FOXK1: variants seen among roughly 807,000 people sequenced by gnomAD.
FOXK1 encodes the protein forkhead box protein K1.
Under a neutral mutation model 51.9 loss-of-function variants are expected in FOXK1, and 19 were observed. That is an observed-to-expected ratio of 0.37 (90% confidence interval 0.26 to 0.54). FOXK1 has a LOEUF of 0.54. FOXK1 is among the 20% of genes least tolerant of loss of function. The pLI, the probability that FOXK1 is intolerant of heterozygous loss-of-function variation, is 0.87. For missense variants in FOXK1, 870 were observed against 1,032.7 expected (o/e 0.84, Z 2.16); for synonymous variants, 537 against 482.6 (o/e 1.11, Z -1.48).
rs1394868277 is a variant in FOXK1, at chr7:4,759,545, C to G, written c.1646C>G (p.Ser549Cys). The change falls in exon 7 of 9, where the codon TCC becomes TGC. Residue 549 changes from serine to cysteine, a missense_variant. This residue lies in a region of FOXK1 where 457 missense variants were observed against 510.8 expected (regional missense o/e 0.89). Coordinates refer to ENST00000328914, the MANE Select transcript of FOXK1 (RefSeq NM_001037165.2). Reference protein sequence around the residue: ...ILTSQGAAGGSHDAAGAAVLD... With the variant: ...ILTSQGAAGGCHDAAGAAVLD... ...ACCAGCCAGGGCGCGGCGGGGGGCT[C>G]CCATGATGCGGCGGGCGCAGCCGTG... 2.6e-6 allele frequency: 4 copies of G among 1,553,938 alleles called. No individual in the cohort carries two copies. Among genetic ancestry groups the G allele is most frequent in the Non-Finnish European group, 3.5e-6 (4 of 1,155,890 alleles).
intron 1 of FOXK1, among the ~76,000 whole-genome samples, chr7:4,713,134 TC>T (rs1240320899): frequency 6.6e-6 from 1 of 152,242 alleles, no homozygotes; most frequent in Non-Finnish European, 1.5e-5. Flanking sequence ...AGAATTCTTT[TC>T]CTGCCCTATT....
In FOXK1 at chr7:4,749,999, C is replaced by T. The variant is rs1315013527; in HGVS notation, c.747-4460C>T. On this transcript the variant is annotated intron_variant, in intron 2 of 8. Transcript: ENST00000328914. The surrounding 1 kb of genome is among the most constrained non-coding windows in gnomAD (Gnocchi z 6.0). ...GCCCGGCCCCTGGATGCGGTGGAGG[C>T]TGCCCGGGGTGGGTCAGCATGGGGT... Among the ~76,000 whole-genome samples, 1 of 152,230 alleles carries T rather than the reference C, an allele frequency of 6.6e-6. No homozygotes were observed. Among genetic ancestry groups the T allele is most frequent in the Non-Finnish European group, 1.5e-5 (1 of 68,040 alleles).
intron 1 of FOXK1, among the ~76,000 whole-genome samples, chr7:4,721,773 T>A (rs1780316204): frequency 2.0e-5 from 3 of 151,962 alleles, no homozygotes; most frequent in Admixed American, 2.0e-4. Context: ...GCATTTTTAG[T>A]ATAGACAGAG....
chr7:4,736,633 C>T (rs920112607), intron 1 of FOXK1, among the ~76,000 whole-genome samples: 14 of 151,968 alleles, frequency 9.2e-5, no homozygotes, highest in African/African-American at 2.9e-4. Flanking sequence ...AGGCTGGTCT[C>T]GAACTCCTGA....
intron 1 of FOXK1, among the ~76,000 whole-genome samples, chr7:4,691,180 T>G (rs1413197499): frequency 2.6e-5 from 4 of 152,192 alleles, no homozygotes; most frequent in Non-Finnish European, 5.9e-5. Flanking sequence ...CCTGACCCAT[T>G]TCTACAGTGT....
rs897416518 is a variant in FOXK1, at chr7:4,747,097, G to A, written c.746+6074G>A. 6.6e-6 allele frequency among the ~76,000 whole-genome samples: 1 copy of A among 152,162 alleles called. No homozygotes were observed. The highest frequency in any genetic ancestry group is 6.5e-5 in the Admixed American group (1 of 15,274). On this transcript the variant is annotated intron_variant, in intron 2 of 8. Coordinates refer to ENST00000328914, the MANE Select transcript of FOXK1 (RefSeq NM_001037165.2). This position sits in a 1 kb window ranked among gnomAD's most constrained non-coding sequence, Gnocchi z 9.2. ...AATGAAGCTTGGTAGGGAAGTCCTT[G>A]TGTTTGTCCGAATCTGTTGAAAGGA... is the stretch of plus-strand genomic sequence containing the variant.
chr7:4,703,212 A>C lies in FOXK1; in HGVS notation c.560+20344A>C, dbSNP rs536905937. Among the ~76,000 whole-genome samples the C allele has an allele frequency of 6.6e-6, 1 of 152,176 alleles. No homozygotes were observed. The highest frequency in any genetic ancestry group is 2.1e-4 in the South Asian group (1 of 4,816). On this transcript the variant is annotated intron_variant, in intron 1 of 8. Coordinates refer to ENST00000328914, the MANE Select transcript of FOXK1 (RefSeq NM_001037165.2). The surrounding 1 kb of genome is among the most constrained non-coding windows in gnomAD (Gnocchi z 5.6). Reference sequence around the variant, plus strand: ...GGAAGTGCTGTTTTAGCCGAGGTCTAAGTTACAGGCAGGAGCTGGCAATGA... The same window carrying C: ...GGAAGTGCTGTTTTAGCCGAGGTCTCAGTTACAGGCAGGAGCTGGCAATGA...
chr7:4,706,004 G>A lies in FOXK1; in HGVS notation c.560+23136G>A, dbSNP rs894932123. ...TATACGTATATATACGTATATATAC[G>A]TATATATACGTATATATACGTGTAT... On this transcript the variant is annotated intron_variant, in intron 1 of 8. Transcript: ENST00000328914. 4.1e-4 allele frequency among the ~76,000 whole-genome samples: 40 copies of A among 97,290 alleles called. 4 individuals carry two copies. The highest frequency in any genetic ancestry group is 2.8e-3 in the African/African-American group (31 of 11,142). The allele number at this position is 97,290 out of a possible 152,430, so 63.8% of individuals were successfully genotyped here.
chr7:4,715,308 G>A lies in FOXK1; in HGVS notation c.561-25530G>A, dbSNP rs1253183922. Reference sequence around the variant, plus strand: ...CGTAAGTCATGGCTTCAGTTTGCTGGCAAAGTGTGTCTCAGAGTGAAGCCG... The same window carrying A: ...CGTAAGTCATGGCTTCAGTTTGCTGACAAAGTGTGTCTCAGAGTGAAGCCG... On this transcript the variant is annotated intron_variant, in intron 1 of 8. Transcript: ENST00000328914. This position sits in a 1 kb window ranked among gnomAD's most constrained non-coding sequence, Gnocchi z 4.5. Among the ~76,000 whole-genome samples the A allele has an allele frequency of 1.3e-5, 2 of 152,126 alleles. No homozygotes were observed. Among genetic ancestry groups the A allele is most frequent in the Non-Finnish European group, 2.9e-5 (2 of 68,024 alleles).
chr7:4,725,204 G>A (rs1780364170), intron 1 of FOXK1, among the ~76,000 whole-genome samples: 1 of 152,248 alleles, frequency 6.6e-6, no homozygotes, highest in Admixed American at 6.5e-5. Flanking sequence ...TTGGGGTCGC[G>A]GGGGTAGATC....
intron 1 of FOXK1, among the ~76,000 whole-genome samples, chr7:4,684,926 G>A (rs566135268): frequency 5.3e-5 from 8 of 151,904 alleles, no homozygotes; most frequent in African/African-American, 1.9e-4. Flanking sequence ...TGTTATCGGT[G>A]TATACAGTCC....
At chr7:4,688,421 G>T (rs1485536621) in intron 1 of FOXK1, among the ~76,000 whole-genome samples, 1 of 149,590 alleles carries the variant, frequency 6.7e-6, no homozygotes, top group East Asian at 1.9e-4. Flanking sequence ...TTTTTTTTGA[G>T]ACGGAGTCTC....
intron 1 of FOXK1, among the ~76,000 whole-genome samples, chr7:4,732,111 C>G (rs1780485388): frequency 6.6e-6 from 1 of 152,366 alleles, no homozygotes; most frequent in African/African-American, 2.4e-5. Context: ...ATTTATCAAG[C>G]TGTTGTAAAC....
At chr7:4,712,632 G>A (rs1401582437) in intron 1 of FOXK1, among the ~76,000 whole-genome samples, 1 of 152,130 alleles carries the variant, frequency 6.6e-6, no homozygotes, top group Non-Finnish European at 1.5e-5. Context: ...CGAAAAGACT[G>A]GTCATGTTTG....
intron 2 of FOXK1, among the ~76,000 whole-genome samples, chr7:4,742,571 C>G (rs191348244): frequency 1.1e-3 from 175 of 152,200 alleles, no homozygotes; most frequent in African/African-American, 4.0e-3. Flanking sequence ...CATGCACCAC[C>G]ACACCCACTT....
intron 1 of FOXK1, among the ~76,000 whole-genome samples, chr7:4,688,409 A>AT (rs370316026): frequency 0.039 from 5,665 of 146,860 alleles, 362 homozygotes; most frequent in African/African-American, 0.13. Context: ...TTTTATTTTT[A>AT]TTTTTTTTTG....
At position 4,767,596 on chromosome 7, in the gene FOXK1, C is replaced by T. The variant is rs1781032066; in HGVS notation, c.*5132C>T. 6.6e-6 allele frequency: 1 copy of T among 152,234 alleles called. No homozygotes were observed. The highest frequency in any genetic ancestry group is 1.5e-5 in the Non-Finnish European group (1 of 68,054). 9.4% of individuals were successfully genotyped at this position (152,234 alleles called of 1,614,324 possible). A position where few individuals can be genotyped will look rare whatever the true frequency, so the allele number is the denominator to read the frequency against. On this transcript the variant is annotated 3_prime_UTR_variant, in exon 9 of 9. Coordinates refer to ENST00000328914, the MANE Select transcript of FOXK1 (RefSeq NM_001037165.2). This position sits in a 1 kb window ranked among gnomAD's most constrained non-coding sequence, Gnocchi z 6.6. ...GAGGTTCCTGGGTAATGTATTGTGG[C>T]TCTTGGAAATGAGGGTAGAATTTGA... is the stretch of plus-strand genomic sequence containing the variant.
rs966767911 is a variant in FOXK1, at chr7:4,735,436, G to A, written c.561-5402G>A. On this transcript the variant is annotated intron_variant, in intron 1 of 8. Coordinates refer to ENST00000328914, the MANE Select transcript of FOXK1 (RefSeq NM_001037165.2). This position sits in a 1 kb window ranked among gnomAD's most constrained non-coding sequence, Gnocchi z 4.7. The stretch of plus-strand genomic sequence containing the variant: ...TTTCAGCGCATTCGCAGAGTTGCGC[G>A]GCCACCAAGTCAACTTCGGAACATT... 3.3e-5 allele frequency among the ~76,000 whole-genome samples: 5 copies of A among 152,104 alleles called. No homozygotes were observed. The highest frequency in any genetic ancestry group is 1.9e-4 in the East Asian group (1 of 5,184).
intron 1 of FOXK1, among the ~76,000 whole-genome samples, chr7:4,732,746 C>T (rs1243496192): frequency 4.6e-5 from 7 of 152,232 alleles, no homozygotes; most frequent in Admixed American, 3.3e-4. Flanking sequence ...ACTGAGTTTT[C>T]GCCCTGTTGT....
Sources: allele counts gnomAD v4.1 joint callset (sites outside exome capture counted in the v4.1 genomes callset), GRCh38; gene constraint gnomAD v4.1.1; regional missense constraint gnomAD v4.1.1; non-coding constraint Gnocchi (gnomAD v3.1); transcripts MANE v1.5; gene names NCBI Gene and HGNC (gene_info 2026-07-23, HGNC 2026-07-21).